The following TM2D3 variants were observed in gnomAD, a reference collection of about 807,000 sequenced individuals.
TM2D3 encodes the protein TM2 domain-containing protein 3.
Under a neutral mutation model 27.3 loss-of-function variants are expected in TM2D3, and 33 were observed. The ratio of observed to expected loss-of-function variants is 1.21; its 90% CI spans 0.92 to 1.61. The LOEUF is 1.61. Ranked by LOEUF, TM2D3 falls within the 40% of genes most tolerant of loss-of-function variation. TM2D3 has a pLI of 0.00. For missense variants in TM2D3, 364 were observed against 320.8 expected (o/e 1.13, Z -1.03); for synonymous variants, 138 against 122.2 (o/e 1.13, Z -0.85).
chr15:101,646,896 G>T lies in TM2D3; in HGVS notation c.331C>A (p.Gln111Lys). The T allele has an allele frequency of 6.2e-7, 1 of 1,614,156 alleles. No homozygotes were observed. ...AAGTTCTTTTGGGATTTGAAGTCTT[G>T]ATCCTATGTAGCAAATGACACAAAA... ...AVKPSVTCVD[Q>K]DFKSQKNFII... The change falls in exon 4 of 6, where the codon CAA becomes AAA. Residue 111 changes from glutamine to lysine, a missense_variant. Transcript: ENST00000333202.
In TM2D3 at chr15:101,652,289, A is replaced by G; in HGVS notation, c.73T>C (p.Cys25Arg). 6.2e-7 allele frequency: 1 copy of G among 1,605,022 alleles called. No individual in the cohort carries two copies. Among genetic ancestry groups the G allele is most frequent in the Non-Finnish European group, 8.5e-7 (1 of 1,176,216 alleles). ...GACTCACCACCGCCCGACAGAATGC[A>G]GAACTGCGAGAGGAAGAGCAGCACG... ...CRVLLFLSQF[C>R]ILSGGEQSQA... The change falls in exon 1 of 6, where the codon TGC (cysteine) becomes CGC (arginine). Residue 25 changes from cysteine (C) to arginine (R), a missense_variant. Cys to Arg is a radical substitution (Grantham distance 180). Transcript: ENST00000333202.
chr15:101,641,828 T>C (rs1834343546), downstream of TM2D3: 8 of 816,820 alleles, frequency 9.8e-6, no homozygotes, highest in East Asian at 1.2e-4. Context: ...ATATTTAATA[T>C]AGAAAACAGG....
chr15:101,650,512 G>C (rs1281594752), intron 2 of TM2D3: 1 of 164,048 alleles, frequency 6.1e-6, no homozygotes, highest in African/African-American at 2.4e-5. Flanking sequence ...ACTTACAGTA[G>C]GGTTTTGCAA....
rs778132920 is a variant in TM2D3 at position 101,645,137 on chromosome 15, T to C, written c.528A>G (p.Leu176=). Residue 176 remains leucine, a synonymous_variant, in exon 5 of 6, where the codon CTA becomes CTG. Coordinates refer to ENST00000333202, the MANE Select transcript of TM2D3 (RefSeq NM_078474.3). ...TATAGCCTCCAGTCCAATTGCAATA[T>C]AGCATTTTGGGAAAAGTACGGTTAC... is the stretch of plus-strand genomic sequence containing the variant. ...CLGNRTFPKM[L]YCNWTGGYKW... is the part of the protein sequence containing the mutation. The C allele has an allele frequency of 5.0e-6, 8 of 1,612,114 alleles. No individual in the cohort carries two copies. Among genetic ancestry groups the C allele is most frequent in the Admixed American group, 1.7e-5 (1 of 59,782 alleles).
chr15:101,648,390 G>C (rs1896873890), intron 3 of TM2D3: 1 of 152,140 alleles, frequency 6.6e-6, no homozygotes, highest in Admixed American at 6.5e-5. Context: ...CTTGATTTAG[G>C]CAAACAGTTG....
intron 5 of TM2D3, among the ~76,000 whole-genome samples, chr15:101,644,311 A>C (rs1896748422): frequency 6.6e-6 from 1 of 152,142 alleles, no homozygotes; most frequent in South Asian, 2.1e-4. Context: ...CAACATCTGG[A>C]GACACACTGT....
intron 4 of TM2D3, chr15:101,645,595 A>C (rs1044287213): frequency 6.2e-6 from 1 of 160,614 alleles, no homozygotes; most frequent in Admixed American, 6.4e-5. Context: ...TTAAAGTAGA[A>C]TCTACCTCAC....
intron 3 of TM2D3, among the ~76,000 whole-genome samples, chr15:101,647,650 T>C (rs879198619): frequency 2.4e-4 from 37 of 152,226 alleles, no homozygotes; most frequent in Admixed American, 1.9e-3. Flanking sequence ...ATGTTACATA[T>C]TTGAAGATTA....
intron 5 of TM2D3, among the ~76,000 whole-genome samples, chr15:101,643,004 G>A (rs750029342): frequency 2.0e-4 from 31 of 152,038 alleles, no homozygotes; most frequent in Admixed American, 3.9e-4. Flanking sequence ...CCACCACCTG[G>A]ACGACCTGGA....
At chr15:101,650,720 C>A (rs531823549) in intron 2 of TM2D3, 1 of 152,228 alleles carries the variant, frequency 6.6e-6, no homozygotes, top group African/African-American at 2.4e-5. Context: ...TACAGTTTTA[C>A]GCTACCAAAG....
chr15:101,642,790 A>C (rs2141361557), intron 5 of TM2D3, 146 bp from the exon 6 acceptor site: 1 of 515,996 alleles, frequency 1.9e-6, no homozygotes, highest in Non-Finnish European at 3.2e-6. Flanking sequence ...ACTATTTCAC[A>C]AACTGACACC....
At chr15:101,641,287 A>AAAACAAAACG (rs1235461045), downstream of TM2D3, among the ~76,000 whole-genome samples, 1 of 152,130 alleles carries the variant, frequency 6.6e-6, no homozygotes, top group Non-Finnish European at 1.5e-5. Flanking sequence ...AAAACAAAAC[A>AAAACAAAACG]AAACCAGTTT....
At chr15:101,649,550 C>A (rs1477539514) in intron 3 of TM2D3, among the ~76,000 whole-genome samples, 1 of 152,178 alleles carries the variant, frequency 6.6e-6, no homozygotes, top group Non-Finnish European at 1.5e-5. Flanking sequence ...TAGAGAGCTA[C>A]CAGGCATTCC....
chr15:101,646,704 T>C (rs764268996), intron 4 of TM2D3, 21 bp downstream of exon 4: 1 of 1,613,776 alleles, frequency 6.2e-7, no homozygotes, highest in Non-Finnish European at 8.5e-7. Flanking sequence ...TGTTGACAAA[T>C]GTCCTTGAAC....
In TM2D3 at chr15:101,646,520, CA is replaced by C. The variant is rs1476566551; in HGVS notation, c.502+204del. On this transcript the variant is annotated intron_variant, in intron 4 of 5. Transcript: ENST00000333202. ...ACTTCAAATGTTTTTCTTATTTTAT[CA>C]AATATTACATTTAAAAAGAACTGCA... The C allele has an allele frequency of 7.6e-6, 4 of 523,946 alleles. No homozygotes were observed. In the East Asian group the frequency reaches 1.2e-4, roughly 16 times the overall value. The allele number at this position is 523,946 out of a possible 1,614,324, so 32.5% of individuals were successfully genotyped here. A position where few individuals can be genotyped will look rare whatever the true frequency, so the allele number is the denominator to read the frequency against.
chr15:101,650,973 A>G (rs1896951747), intron 2 of TM2D3: 1 of 152,296 alleles, frequency 6.6e-6, no homozygotes, highest in Non-Finnish European at 1.5e-5. Flanking sequence ...TCAGTAAAAT[A>G]TCTCTGCCAG....
At chr15:101,644,539 G>A (rs1232843158) in intron 5 of TM2D3, among the ~76,000 whole-genome samples, 13 of 152,192 alleles carry the variant, frequency 8.5e-5, no homozygotes, top group Admixed American at 2.0e-4. Context: ...TGTAGGCAGC[G>A]TAACCTTTTC....
chr15:101,639,923 A>G (rs776289524), downstream of TM2D3, among the ~76,000 whole-genome samples: 1 of 152,188 alleles, frequency 6.6e-6, no homozygotes, highest in Non-Finnish European at 1.5e-5. Flanking sequence ...GTAGACATAA[A>G]TAACCCAGCA....
intron 1 of TM2D3, 149 bp downstream of exon 1, chr15:101,652,122 G>T (rs1406695453): frequency 2.3e-5 from 17 of 731,052 alleles, no homozygotes; most frequent in African/African-American, 3.8e-5. Flanking sequence ...CAGGGCGCCA[G>T]ACTCCAGATG....
Sources: gnomAD v4.1 joint callset for allele counts (sites outside exome capture counted in the v4.1 genomes callset) on GRCh38, gnomAD v4.1.1 for gene constraint, MANE v1.5 for transcripts, NCBI Gene and HGNC (gene_info 2026-07-23, HGNC 2026-07-21) for gene names.